The following DENND4A variants were observed in gnomAD, a reference collection of about 807,000 sequenced individuals.
DENND4A encodes the protein DENN domain containing 4A.
In DENND4A, 70 loss-of-function variants were observed where a neutral mutation model predicts 199.3. The ratio of observed to expected loss-of-function variants is 0.35; its 90% CI spans 0.29 to 0.43. The LOEUF is 0.43. Among genes scored for constraint, DENND4A ranks in the 20% least tolerant of loss-of-function variants. DENND4A has a pLI of 1.00. For synonymous variants in DENND4A, 686 were observed against 766.9 expected, an observed-to-expected ratio of 0.89 and a Z score of 1.74; for missense variants, 1,723 against 2,255.8, an observed-to-expected ratio of 0.76 and a Z score of 4.78.
chr15:65,737,437 T>G (rs2076148324), intron 7 of DENND4A, among the ~76,000 whole-genome samples: 1 of 152,110 alleles, frequency 6.6e-6, no homozygotes, highest in Non-Finnish European at 1.5e-5. Context: ...AGTAAAAAAT[T>G]TTCAGCATCT....
rs1216243061 is a variant in DENND4A at position 65,698,331 on chromosome 15, G to A, written c.2834-948C>T. ...TCTAATACACTGTGTTGCTAAAGAG[G>A]CTCTGCATCATTTTTAGAAAATCGT... On this transcript the variant is annotated intron_variant, in intron 20 of 32. Transcript: ENST00000443035. 2.0e-5 allele frequency among the ~76,000 whole-genome samples: 3 copies of A among 151,976 alleles called. No individual in the cohort carries two copies. The East Asian group carries it at 5.8e-4, about 29-fold the overall frequency.
Position 65,772,706 on chromosome 15 carries a change from CAAAAAAAAAA to C in DENND4A, c.-101-11278_-101-11269del, listed in dbSNP as rs34181353. On this transcript the variant is annotated intron_variant, in intron 1 of 32. Coordinates refer to ENST00000443035, the MANE Select transcript of DENND4A (RefSeq NM_001320835.1). ...TGGGCAACAAAATGAGACTCCGTCT[CAAAAAAAAAA>C]AAAAAAAAAAAAAAAAAAAAGACCT... Among the ~76,000 whole-genome samples the C allele has an allele frequency of 1.5e-4, 5 of 33,596 alleles. No homozygotes were observed. In the South Asian group the frequency reaches 6.6e-3, roughly 44 times the overall value. 22.0% of individuals were successfully genotyped at this position (33,596 alleles called of 152,430 possible).
chr15:65,722,780 G>A (rs2075686924), intron 12 of DENND4A, 68 bp downstream of exon 12: 2 of 1,200,480 alleles, frequency 1.7e-6, no homozygotes, highest in South Asian at 1.9e-5. Flanking sequence ...TCTTTTATAA[G>A]TAAGGCAAAG....
chr15:65,770,535 G>A (rs1366911907), intron 1 of DENND4A, among the ~76,000 whole-genome samples: 1 of 151,982 alleles, frequency 6.6e-6, no homozygotes, highest in Admixed American at 6.6e-5. Context: ...ATAGCAAAAT[G>A]ATATTCTACA....
At chr15:65,766,214 G>A (rs2572216) in intron 1 of DENND4A, among the ~76,000 whole-genome samples, 29,182 of 146,920 alleles carry the variant, frequency 0.2, 3,861 homozygotes, top group East Asian at 0.74. Flanking sequence ...TCAGGCCACC[G>A]CACTCCAGCC....
chr15:65,695,865 C>G (rs2077127318), intron 22 of DENND4A, among the ~76,000 whole-genome samples: 1 of 151,976 alleles, frequency 6.6e-6, no homozygotes, highest in South Asian at 2.1e-4. Context: ...ATCTTTAAAA[C>G]AGTGCTAATA....
At chr15:65,709,695 CA>C (rs1171075195) in intron 14 of DENND4A, among the ~76,000 whole-genome samples, 487 of 36,070 alleles carry the variant, frequency 0.014, 5 homozygotes, top group African/African-American at 0.038. Context: ...AACTCCATCT[CA>C]AAAAAAAAAA....
intron 14 of DENND4A, among the ~76,000 whole-genome samples, chr15:65,713,338 T>C (rs929998292): frequency 1.3e-5 from 2 of 152,238 alleles, no homozygotes; most frequent in African/African-American, 4.8e-5. Context: ...TGAGATTATA[T>C]AGGTCATACA....
chr15:65,763,752 T>C (rs1269956455), intron 1 of DENND4A, among the ~76,000 whole-genome samples: 1 of 150,054 alleles, frequency 6.7e-6, no homozygotes, highest in East Asian at 1.9e-4. Flanking sequence ...AGCAAAATAA[T>C]ATATTCATAA....
intron 24 of DENND4A, among the ~76,000 whole-genome samples, chr15:65,672,304 G>A (rs2076241514): frequency 1.3e-5 from 2 of 152,032 alleles, no homozygotes; most frequent in Admixed American, 1.3e-4. Flanking sequence ...AGATTTAGTG[G>A]CAATTCTCTC....
chr15:65,750,943 G>A (rs991505987), intron 4 of DENND4A, among the ~76,000 whole-genome samples: 1 of 152,072 alleles, frequency 6.6e-6, no homozygotes, highest in Non-Finnish European at 1.5e-5. Context: ...GAACTGATCA[G>A]TTAGATAAAA....
At chr15:65,722,605 A>G (rs2075681714) in intron 12 of DENND4A, among the ~76,000 whole-genome samples, 1 of 152,146 alleles carries the variant, frequency 6.6e-6, no homozygotes, top group South Asian at 2.1e-4. Context: ...TGGTAGATAT[A>G]ATATACATAT....
chr15:65,717,517 CAT>C (rs757738345), intron 13 of DENND4A, among the ~76,000 whole-genome samples: 10 of 152,106 alleles, frequency 6.6e-5, no homozygotes, highest in Non-Finnish European at 7.4e-5. Context: ...TCTCAACACA[CAT>C]GTGACACAAA....
At chr15:65,751,445 T>C (rs2076560039) in intron 4 of DENND4A, among the ~76,000 whole-genome samples, 1 of 152,154 alleles carries the variant, frequency 6.6e-6, no homozygotes, top group Non-Finnish European at 1.5e-5. Flanking sequence ...CAAGAAGGGA[T>C]GATGAATTAG....
At chr15:65,722,073 C>T (rs1456926465) in intron 12 of DENND4A, among the ~76,000 whole-genome samples, 1 of 152,170 alleles carries the variant, frequency 6.6e-6, no homozygotes, top group Non-Finnish European at 1.5e-5. Flanking sequence ...AAGATAAGCA[C>T]AGCATTAAGA....
intron 15 of DENND4A, among the ~76,000 whole-genome samples, chr15:65,704,171 T>G (rs966759134): frequency 2.6e-5 from 4 of 152,224 alleles, no homozygotes; most frequent in African/African-American, 4.8e-5. Context: ...CCATTTTGTG[T>G]GTCTTATTTC....
intron 14 of DENND4A, among the ~76,000 whole-genome samples, chr15:65,707,433 A>G (rs772479156): frequency 3.3e-5 from 5 of 152,142 alleles, no homozygotes; most frequent in Non-Finnish European, 7.4e-5. Flanking sequence ...AAAAGAACAG[A>G]GATGAGTTTT....
At chr15:65,771,587 C>T in intron 1 of DENND4A, 2 of 1,612,904 alleles carry the variant, frequency 1.2e-6, no homozygotes, top group South Asian at 2.2e-5. Flanking sequence ...TCCATCTCCT[C>T]TTTCCTCTTC....
intron 23 of DENND4A, among the ~76,000 whole-genome samples, chr15:65,677,995 T>C (rs1388156305): frequency 3.3e-5 from 5 of 149,812 alleles, no homozygotes; most frequent in Non-Finnish European, 7.4e-5. Flanking sequence ...TGGCATGATC[T>C]TGGCTCAGTG....
Sources: allele counts gnomAD v4.1 joint callset (sites outside exome capture counted in the v4.1 genomes callset), GRCh38; gene constraint gnomAD v4.1.1; transcripts MANE v1.5; gene names NCBI Gene and HGNC (gene_info 2026-07-23, HGNC 2026-07-21).